Variants in HIPK2 observed in about 807,000 individuals in gnomAD.
The protein encoded by HIPK2 is homeodomain interacting protein kinase 2.
Under a neutral mutation model 113.7 loss-of-function variants are expected in HIPK2, and 27 were observed. That is an observed-to-expected ratio of 0.24 (90% CI 0.17 to 0.33). HIPK2 has a LOEUF of 0.33. Among genes scored for constraint, HIPK2 ranks in the 10% least tolerant of loss-of-function variants. The pLI is 1.00. For missense variants in HIPK2, 1,257 were observed against 1,588.0 expected (o/e 0.79, Z 3.54); for synonymous variants, 631 against 642.2 (o/e 0.98, Z 0.26).
chr7:139,712,569 A>AGTC (rs1795103324), intron 2 of HIPK2, among the ~76,000 whole-genome samples: 1 of 152,226 alleles, frequency 6.6e-6, no homozygotes, highest in Non-Finnish European at 1.5e-5. Context: ...CACAGCATGC[A>AGTC]ATGACTCCTC....
In HIPK2 at chr7:139,649,633, C is replaced by T. The variant is rs1235384219; in HGVS notation, c.1104-17908G>A. Among the ~76,000 whole-genome samples the T allele has an allele frequency of 2.0e-5, 3 of 152,028 alleles. No homozygotes were observed. In the South Asian group the frequency reaches 6.2e-4, roughly 32 times the overall value. On this transcript the variant is annotated intron_variant, in intron 2 of 14. Coordinates refer to ENST00000406875, the MANE Select transcript of HIPK2 (RefSeq NM_022740.5). ...CCAGAAATGGATACTGCTGCAGGAA[C>T]AGGAGCAACCCTGCTCCTCCCTGTC...
At chr7:139,614,546 A>ACCCCCCAG in intron 7 of HIPK2, 53 bp from the exon 8 acceptor site, 1 of 1,150,330 alleles carries the variant, frequency 8.7e-7, no homozygotes, top group Non-Finnish European at 1.1e-6. Context: ...AAAATGAGGG[A>ACCCCCCAG]GGTGGCATGT....
intron 7 of HIPK2, among the ~76,000 whole-genome samples, chr7:139,619,216 A>G (rs1297557760): frequency 3.3e-5 from 5 of 152,036 alleles, no homozygotes; most frequent in African/African-American, 1.2e-4. Context: ...GGGGGCAGTG[A>G]CTCTTCAGTG....
At chr7:139,717,767 C>T (rs1028892939) in intron 1 of HIPK2, among the ~76,000 whole-genome samples, 4 of 151,822 alleles carry the variant, frequency 2.6e-5, no homozygotes, top group Admixed American at 6.6e-5. Flanking sequence ...GTTTTGAGAC[C>T]GAGTCTCGCT....
intron 2 of HIPK2, among the ~76,000 whole-genome samples, chr7:139,685,030 G>T (rs1794174381): frequency 6.6e-6 from 1 of 152,114 alleles, no homozygotes; most frequent in Non-Finnish European, 1.5e-5. Context: ...ATCAGAGGTT[G>T]GTTCATAAGG....
Position 139,618,980 on chromosome 7 carries a change from T to C in HIPK2, c.1782+1421A>G, listed in dbSNP as rs112454849. Among the ~76,000 whole-genome samples the C allele has an allele frequency of 2.6e-3, 401 of 152,328 alleles. 2 individuals carry two copies. The highest frequency in any genetic ancestry group is 9.3e-3 in the African/African-American group (386 of 41,574). Reference sequence around the variant, plus strand: ...GGTCTGGCTATGGATGCTTTAGCCTTAGGGCTGGGCAAGGTTAGTTTTCGG... The same window carrying C: ...GGTCTGGCTATGGATGCTTTAGCCTCAGGGCTGGGCAAGGTTAGTTTTCGG... On this transcript the variant is annotated intron_variant, in intron 7 of 14. Transcript: ENST00000406875.
chr7:139,600,524 G>A lies in HIPK2; in HGVS notation c.2328C>T (p.Thr776=). 1 of 1,614,030 alleles carries A rather than the reference G, an allele frequency of 6.2e-7. No homozygotes were observed. The highest frequency in any genetic ancestry group is 1.1e-5 in the South Asian group (1 of 91,082). The change falls in exon 11 of 15, where the codon ACC becomes ACT. Residue 776 remains threonine, a synonymous_variant. Transcript: ENST00000406875. ...CATTTAAGGGCTGTGCTGCTGGAAG[G>A]GTCACATGACCGGTCAATAGTGCAG... ...QQPALLTGHV[T]LPAAQPLNVG...
intron 12 of HIPK2, among the ~76,000 whole-genome samples, chr7:139,592,145 T>C (rs1371423937): frequency 2.6e-5 from 4 of 152,248 alleles, no homozygotes. Flanking sequence ...TTTTTTTATA[T>C]ATAAACATGT....
At chr7:139,673,868 T>G (rs1802394176) in intron 2 of HIPK2, among the ~76,000 whole-genome samples, 1 of 120,514 alleles carries the variant, frequency 8.3e-6, no homozygotes, top group Non-Finnish European at 1.6e-5. Context: ...GCCACCATGG[T>G]GAAACCCTAT....
At chr7:139,738,285 TA>T (rs1307630703) in intron 1 of HIPK2, among the ~76,000 whole-genome samples, 1 of 152,242 alleles carries the variant, frequency 6.6e-6, no homozygotes, top group Non-Finnish European at 1.5e-5. Flanking sequence ...GAGAGCGCCC[TA>T]TTCTTGGGAA....
At chr7:139,710,332 C>T (rs1795024677) in intron 2 of HIPK2, among the ~76,000 whole-genome samples, 1 of 152,184 alleles carries the variant, frequency 6.6e-6, no homozygotes. Flanking sequence ...ATTCCAGTCT[C>T]CATGACCCCT....
intron 2 of HIPK2, among the ~76,000 whole-genome samples, chr7:139,702,286 ATT>A (rs1428246070): frequency 6.6e-6 from 1 of 152,146 alleles, no homozygotes; most frequent in African/African-American, 2.4e-5. Context: ...GTGGAAGGAC[ATT>A]TACAGGCTGT....
intron 2 of HIPK2, among the ~76,000 whole-genome samples, chr7:139,702,783 C>T (rs1045045985): frequency 2.0e-5 from 3 of 152,342 alleles, no homozygotes; most frequent in African/African-American, 7.2e-5. Flanking sequence ...ACTCAGCCTT[C>T]ATCTTCTCTC....
At chr7:139,700,515 T>C (rs1367552983) in intron 2 of HIPK2, among the ~76,000 whole-genome samples, 2 of 152,230 alleles carry the variant, frequency 1.3e-5, no homozygotes, top group Non-Finnish European at 2.9e-5. Flanking sequence ...TTAGTTCAAA[T>C]AGAGAGCCAT....
At chr7:139,701,330 G>A (rs1220713448) in intron 2 of HIPK2, among the ~76,000 whole-genome samples, 2 of 152,194 alleles carry the variant, frequency 1.3e-5, no homozygotes, top group Non-Finnish European at 2.9e-5. Flanking sequence ...GAGAGGCCAC[G>A]GTGAGAAATA....
intron 2 of HIPK2, among the ~76,000 whole-genome samples, chr7:139,653,893 C>T (rs1013944258): frequency 4.6e-5 from 7 of 151,924 alleles, no homozygotes; most frequent in Non-Finnish European, 7.4e-5. Context: ...CCACCACGCC[C>T]GGCTAATTTT....
chr7:139,724,683 C>G (rs866239065), intron 1 of HIPK2, among the ~76,000 whole-genome samples: 1 of 112,866 alleles, frequency 8.9e-6, no homozygotes, highest in Non-Finnish European at 1.7e-5. Context: ...CCTACCCCCT[C>G]CCCCCACCCC....
chr7:139,577,432 G>A (rs571874365), intron 13 of HIPK2, among the ~76,000 whole-genome samples: 3 of 152,200 alleles, frequency 2.0e-5, no homozygotes, highest in Admixed American at 6.5e-5. Context: ...GATTACAGGC[G>A]TGAGCCACCG....
intron 2 of HIPK2, among the ~76,000 whole-genome samples, chr7:139,701,251 G>A (rs1379743161): frequency 6.6e-6 from 1 of 152,176 alleles, no homozygotes; most frequent in Non-Finnish European, 1.5e-5. Flanking sequence ...TGTCCACCTG[G>A]ATTAGTCTGA....
Sources: allele counts gnomAD v4.1 joint callset (sites outside exome capture counted in the v4.1 genomes callset), GRCh38; gene constraint gnomAD v4.1.1; transcripts MANE v1.5; gene names NCBI Gene and HGNC (gene_info 2026-07-23, HGNC 2026-07-21).